The following ZFHX4 variants were observed in gnomAD, a reference collection of about 807,000 sequenced individuals.
ZFHX4 encodes zinc finger homeobox protein 4.
In ZFHX4, 56 loss-of-function variants were observed where a neutral mutation model predicts 267.6. The observed-to-expected ratio is 0.21, with a 90% confidence interval of 0.17 to 0.26. The LOEUF is 0.26. Among genes scored for constraint, ZFHX4 ranks in the 10% least tolerant of loss-of-function variants. ZFHX4 has a pLI of 1.00. For missense variants in ZFHX4, 4,332 were observed against 4,420.0 expected (o/e 0.98, Z 0.56); for synonymous variants, 1,778 against 1,665.6 (o/e 1.07, Z -1.64).
At chr8:76,763,093 G>A (rs1809959054) in intron 3 of ZFHX4, among the ~76,000 whole-genome samples, 1 of 152,110 alleles carries the variant, frequency 6.6e-6, no homozygotes, top group African/African-American at 2.4e-5. Flanking sequence ...CAGATGTTGA[G>A]GAAGAGACAC....
At position 76,852,153 on chromosome 8, in the gene ZFHX4, T is replaced by C; in HGVS notation, c.5232T>C (p.Pro1744=). Reference sequence around the variant, plus strand: ...AGTTTCTCTTTCCATTTTATATACCTGGGACGGAGTTCAGCTTGGGGCCAG... The same window carrying C: ...AGTTTCTCTTTCCATTTTATATACCCGGGACGGAGTTCAGCTTGGGGCCAG... ...QPQFLFPFYI[P]GTEFSLGPDL... Residue 1744 remains proline (P), a synonymous_variant, in exon 10 of 11, where the codon CCT becomes CCC. Transcript: ENST00000651372. The C allele has an allele frequency of 6.2e-7, 1 of 1,613,972 alleles. No individual in the cohort carries two copies. Among genetic ancestry groups the C allele is most frequent in the South Asian group, 1.1e-5 (1 of 91,084 alleles).
At chr8:76,752,723 C>T (rs1353176535) in intron 3 of ZFHX4, among the ~76,000 whole-genome samples, 8 of 151,904 alleles carry the variant, frequency 5.3e-5, no homozygotes, top group South Asian at 2.1e-4. Context: ...ATGCCCCCCA[C>T]ATTTAGCAGT....
At position 76,706,336 on chromosome 8, in the gene ZFHX4, C is replaced by T. The variant is rs1808270947; in HGVS notation, c.2248C>T (p.Leu750Phe). 6.2e-7 allele frequency: 1 copy of T among 1,614,130 alleles called. No individual in the cohort carries two copies. The highest frequency in any genetic ancestry group is 1.1e-5 in the South Asian group (1 of 91,082). ...GHSAPAPNTS[L>F]SGCGTPSPSK... ...CTCTGCCCCAGCCCCCAACACCAGC[C>T]TCAGTGGCTGCGGAACACCCTCTCC... Residue 750 changes from leucine to phenylalanine, a missense_variant, in exon 2 of 11, where the codon CTC (leucine) becomes TTC (phenylalanine). Around this residue, in one of 7 missense-constraint regions of ZFHX4, gnomAD observed 1,195 missense variants for 1,173.6 expected, o/e 1.02. Transcript: ENST00000651372.
chr8:76,849,786 T>C, intron 8 of ZFHX4, 74 bp downstream of exon 8: 1 of 1,421,382 alleles, frequency 7.0e-7, no homozygotes, highest in Non-Finnish European at 9.7e-7. Context: ...CTGTAATTAT[T>C]GGTTTATGGA....
chr8:76,752,806 C>G (rs1809656033), intron 3 of ZFHX4, among the ~76,000 whole-genome samples: 2 of 152,144 alleles, frequency 1.3e-5, no homozygotes, highest in Non-Finnish European at 2.9e-5. Context: ...TGGAATTTTA[C>G]TTAATTATAG....
intron 3 of ZFHX4, among the ~76,000 whole-genome samples, chr8:76,715,153 G>T (rs1253958874): frequency 4.6e-5 from 7 of 152,154 alleles, no homozygotes; most frequent in African/African-American, 1.7e-4. Context: ...ACATGAGGAT[G>T]TTGCTACTAA....
chr8:76,723,849 T>C (rs936109630), intron 3 of ZFHX4, among the ~76,000 whole-genome samples: 9 of 152,114 alleles, frequency 5.9e-5, no homozygotes, highest in Non-Finnish European at 2.9e-5. Context: ...ACTCTTCCTC[T>C]AATCTTGGGG....
chr8:76,833,581 T>G, intron 5 of ZFHX4, 175 bp downstream of exon 5: 1 of 561,402 alleles, frequency 1.8e-6, no homozygotes. Flanking sequence ...TGGAAGTATA[T>G]GTAAATTGAC....
chr8:76,818,700 C>T (rs1163022173), intron 4 of ZFHX4, among the ~76,000 whole-genome samples: 1 of 151,854 alleles, frequency 6.6e-6, no homozygotes, highest in African/African-American at 2.4e-5. Context: ...TCACTTGAGC[C>T]CAGGAGTTTG....
In ZFHX4 at chr8:76,707,874, G is replaced by T; in HGVS notation, c.2919G>T (p.Leu973=). The change falls in exon 3 of 11, where the codon CTG becomes CTT. Residue 973 remains leucine, a synonymous_variant. Transcript: ENST00000651372. ...KTDKHMQKYQ[L]VAHIKEGGKS... is the part of the protein sequence containing the mutation. ...ATAAACATATGCAGAAATATCAACT[G>T]GTGGCTCACATTAAAGAAGGGGGCA... 1 of 1,614,044 alleles carries T rather than the reference G, an allele frequency of 6.2e-7. No individual in the cohort carries two copies. The highest frequency in any genetic ancestry group is 8.5e-7 in the Non-Finnish European group (1 of 1,179,950).
Position 76,852,939 on chromosome 8 carries a change from A to ACCTCCT in ZFHX4, c.6027_6032dup (p.Pro2010_Pro2011dup). ...CTTCTCCAGAAACGCCGCCCCCGCC[A>ACCTCCT]CCTCCTCCTCCTCCCTTGCCTCCGG... On this transcript the variant is annotated inframe_insertion, in exon 10 of 11. Coordinates refer to ENST00000651372, the MANE Select transcript of ZFHX4 (RefSeq NM_024721.5). The ACCTCCT allele has an allele frequency of 1.9e-6, 3 of 1,581,964 alleles. No individual in the cohort carries two copies.
chr8:76,740,777 AT>A (rs1318317593), intron 3 of ZFHX4, among the ~76,000 whole-genome samples: 2 of 152,158 alleles, frequency 1.3e-5, no homozygotes, highest in East Asian at 3.8e-4. Flanking sequence ...AGGGAAAATT[AT>A]TTGAGGGAGG....
At chr8:76,681,914 C>G (rs1807541086) in intron 1 of ZFHX4, among the ~76,000 whole-genome samples, 1 of 152,130 alleles carries the variant, frequency 6.6e-6, no homozygotes, top group Admixed American at 6.5e-5. Context: ...CCTGATTTTC[C>G]ACTTTCTTTA....
intron 3 of ZFHX4, among the ~76,000 whole-genome samples, chr8:76,753,779 CAT>C (rs1450013842): frequency 1.3e-5 from 2 of 151,894 alleles, no homozygotes; most frequent in Non-Finnish European, 2.9e-5. Flanking sequence ...CATGCAACAC[CAT>C]GCTCAGCTAA....
At chr8:76,726,028 C>A (rs1808844316) in intron 3 of ZFHX4, among the ~76,000 whole-genome samples, 2 of 152,136 alleles carry the variant, frequency 1.3e-5, no homozygotes, top group Admixed American at 1.3e-4. Flanking sequence ...ATGCTACATA[C>A]CCTGTAAAGT....
At chr8:76,708,137 A>G (rs753238799) in intron 3 of ZFHX4, 89 bp downstream of exon 3, 48 of 1,496,576 alleles carry the variant, frequency 3.2e-5, no homozygotes, top group Admixed American at 2.3e-4. Context: ...CAACTTAAGG[A>G]AAAAAAAAGA....
Position 76,863,370 on chromosome 8 carries a change from AG to A in ZFHX4, c.9658del (p.Glu3220LysfsTer14). 6.2e-7 allele frequency: 1 copy of A among 1,613,942 alleles called. No homozygotes were observed. The highest frequency in any genetic ancestry group is 8.5e-7 in the Non-Finnish European group (1 of 1,179,856). On this transcript the variant is annotated frameshift_variant, in exon 11 of 11. Transcript: ENST00000651372. LOFTEE classifies it high-confidence loss of function. Reference sequence around the variant, plus strand: ...AAACCCGAAAAACACCCCAAAAAAGAGGAAAAAATCTCATCTGCTCTTTCAG... The same window carrying A: ...AAACCCGAAAAACACCCCAAAAAAGAGAAAAAATCTCATCTGCTCTTTCAG... Reference protein sequence around the residue: ...ATKPEKHPKKEEKISSALSVL... With the variant: ...ATKPEKHPKKXEKISSALSVL...
chr8:76,827,987 G>GCC (rs1319471194), intron 4 of ZFHX4, among the ~76,000 whole-genome samples: 1 of 152,144 alleles, frequency 6.6e-6, no homozygotes, highest in Non-Finnish European at 1.5e-5. Flanking sequence ...ATGTTGCTTG[G>GCC]TTACTCAAAA....
Position 76,681,350 on chromosome 8 carries a change from C to T in ZFHX4, c.-317C>T. ...ACATATCGGATTTTCATTTCCTTTCCTCCTTTTCCCAACCCCTTCACAACC... is the reference window on the plus strand; with the variant it reads ...ACATATCGGATTTTCATTTCCTTTCTTCCTTTTCCCAACCCCTTCACAACC... On this transcript the variant is annotated 5_prime_UTR_variant, in exon 1 of 11. Transcript: ENST00000651372. 2.5e-6 allele frequency: 1 copy of T among 398,862 alleles called. No individual in the cohort carries two copies. Among genetic ancestry groups the T allele is most frequent in the Non-Finnish European group, 4.4e-6 (1 of 226,054 alleles). The allele number at this position is 398,862 out of a possible 1,614,324, so 24.7% of individuals were successfully genotyped here.
Sources: allele counts gnomAD v4.1 joint callset (sites outside exome capture counted in the v4.1 genomes callset), GRCh38; gene constraint gnomAD v4.1.1; regional missense constraint gnomAD v4.1.1; transcripts MANE v1.5; gene names NCBI Gene and HGNC (gene_info 2026-07-23, HGNC 2026-07-21).